Variants in FERRY3 observed in about 807,000 individuals in gnomAD.
FERRY3 encodes the protein protein C12orf4.
At chr12:4,498,505 T>C in the FERRY3 span, among the ~76,000 whole-genome samples, 1 of 152,174 alleles carries the variant, frequency 6.6e-6, no homozygotes, top group East Asian at 1.9e-4. Flanking sequence ...AATGAGAAAT[T>C]AGTAAGTCTG....
the FERRY3 span, chr12:4,491,142 C>CT: frequency 3.1e-6 from 5 of 1,600,562 alleles, no homozygotes; most frequent in Non-Finnish European, 4.3e-6. Context: ...GGAGGAAATA[C>CT]AGGTGGTGGT....
At chr12:4,510,051 G>A in the FERRY3 span, among the ~76,000 whole-genome samples, 19 of 139,038 alleles carry the variant, frequency 1.4e-4, 1 homozygote, top group East Asian at 3.8e-3. Context: ...AGTGCTTAAA[G>A]GAGCTGATGG....
At chr12:4,500,645 A>AAATT in the FERRY3 span, among the ~76,000 whole-genome samples, 1,596 of 152,110 alleles carry the variant, frequency 0.01, 34 homozygotes, top group African/African-American at 0.037. Context: ...CCAAGATGTC[A>AAATT]AATTAATTAA....
chr12:4,523,999 AT>A, the FERRY3 span, among the ~76,000 whole-genome samples: 1 of 152,122 alleles, frequency 6.6e-6, no homozygotes, highest in Non-Finnish European at 1.5e-5. Context: ...TAAAGATTGA[AT>A]TTCTGAAACT....
the FERRY3 span, among the ~76,000 whole-genome samples, chr12:4,526,797 G>C: frequency 1.3e-5 from 2 of 150,792 alleles, no homozygotes; most frequent in Admixed American, 1.3e-4. Context: ...AGCTGAGATC[G>C]TGTCACTGTA....
At chr12:4,520,211 T>C in the FERRY3 span, among the ~76,000 whole-genome samples, 1 of 152,192 alleles carries the variant, frequency 6.6e-6, no homozygotes, top group African/African-American at 2.4e-5. Flanking sequence ...CAAACTCTTT[T>C]CCACTGGCCT....
the FERRY3 span, among the ~76,000 whole-genome samples, chr12:4,496,581 G>A: frequency 6.6e-6 from 1 of 151,134 alleles, no homozygotes; most frequent in South Asian, 2.1e-4. Context: ...TAGATGACAT[G>A]TGCAAAGAAG....
chr12:4,497,861 A>T, the FERRY3 span, among the ~76,000 whole-genome samples: 2 of 152,206 alleles, frequency 1.3e-5, no homozygotes, highest in Non-Finnish European at 2.9e-5. Flanking sequence ...AAACATGGTA[A>T]CTGAGTGTCT....
chr12:4,509,290 T>G, the FERRY3 span: 1 of 170,558 alleles, frequency 5.9e-6, no homozygotes. Flanking sequence ...CAGTCTGAGA[T>G]CCAACTGCAA....
At chr12:4,507,593 G>A in the FERRY3 span, among the ~76,000 whole-genome samples, 9 of 152,126 alleles carry the variant, frequency 5.9e-5, no homozygotes, top group Non-Finnish European at 1.3e-4. Context: ...TCATATGCAA[G>A]GTTATTTACA....
chr12:4,509,121 CAAAG>C, the FERRY3 span: 1 of 150,786 alleles, frequency 6.6e-6, no homozygotes, highest in Non-Finnish European at 1.5e-5. Context: ...CTTTCTGAGT[CAAAG>C]AAAGGGGTGA....
At chr12:4,516,747 C>T in the FERRY3 span, among the ~76,000 whole-genome samples, 9 of 152,206 alleles carry the variant, frequency 5.9e-5, no homozygotes, top group Non-Finnish European at 1.2e-4. Context: ...AGGTAATAGA[C>T]GATGGGCTTA....
At chr12:4,526,747 T>G in the FERRY3 span, among the ~76,000 whole-genome samples, 13,646 of 151,076 alleles carry the variant, frequency 0.09, 722 homozygotes, top group Non-Finnish European at 0.12. Context: ...GAGGCTGAGG[T>G]AGGAGAATTG....
At chr12:4,522,883 A>C in the FERRY3 span, among the ~76,000 whole-genome samples, 1 of 152,240 alleles carries the variant, frequency 6.6e-6, no homozygotes, top group Non-Finnish European at 1.5e-5. Context: ...CAAAAGTATT[A>C]TGCCACATGA....
the FERRY3 span, chr12:4,505,348 TATC>T: frequency 2.1e-5 from 33 of 1,605,978 alleles, no homozygotes; most frequent in African/African-American, 2.9e-4. Context: ...TTCTTAGTCT[TATC>T]ATCATTTCCT....
the FERRY3 span, among the ~76,000 whole-genome samples, chr12:4,490,984 G>T: frequency 6.6e-6 from 1 of 152,126 alleles, no homozygotes; most frequent in South Asian, 2.1e-4. Flanking sequence ...TATTTCAAAG[G>T]GGCTGGAGAC....
the FERRY3 span, among the ~76,000 whole-genome samples, chr12:4,521,477 G>A: frequency 1.3e-5 from 2 of 152,112 alleles, no homozygotes; most frequent in East Asian, 1.9e-4. Context: ...AAAGGATCCA[G>A]ATATTGGGAC....
chr12:4,493,633 G>C, the FERRY3 span, among the ~76,000 whole-genome samples: 1 of 152,182 alleles, frequency 6.6e-6, no homozygotes, highest in Non-Finnish European at 1.5e-5. Flanking sequence ...TGGCTTCAAA[G>C]TTCACAGAAA....
At chr12:4,522,707 G>A in the FERRY3 span, among the ~76,000 whole-genome samples, 4 of 152,328 alleles carry the variant, frequency 2.6e-5, no homozygotes, top group East Asian at 7.7e-4. Context: ...CAAAACACAT[G>A]TCTACACAAG....
Sources: gnomAD v4.1 joint callset for allele counts (sites outside exome capture counted in the v4.1 genomes callset) on GRCh38, gnomAD v4.1.1 for gene constraint, MANE v1.5 for transcripts, NCBI Gene and HGNC (gene_info 2026-07-23, HGNC 2026-07-21) for gene names.